The following PPARGC1A variants were observed in gnomAD, a reference collection of about 807,000 sequenced individuals.
The protein encoded by PPARGC1A is peroxisome proliferator-activated receptor gamma coactivator 1-alpha.
PPARGC1A carries 25 observed loss-of-function variants against 88.7 expected under a neutral mutation model. The ratio of observed to expected loss-of-function variants is 0.28; its 90% CI spans 0.21 to 0.39. PPARGC1A has a LOEUF of 0.39. PPARGC1A is among the 10% of genes least tolerant of loss of function. PPARGC1A has a pLI of 1.00. For missense variants in PPARGC1A, 880 were observed against 968.7 expected, an observed-to-expected ratio of 0.91 and a Z score of 1.22; for synonymous variants, 363 against 355.6, an observed-to-expected ratio of 1.02 and a Z score of -0.24.
chr4:23,996,382 A>C, the PPARGC1A span, among the ~76,000 whole-genome samples: 1 of 152,146 alleles, frequency 6.6e-6, no homozygotes, highest in Non-Finnish European at 1.5e-5. Context: ...CCCCCTATCC[A>C]TTCGTCTTAC....
the PPARGC1A span, among the ~76,000 whole-genome samples, chr4:23,988,917 T>C: frequency 2.0e-5 from 3 of 147,476 alleles, no homozygotes; most frequent in African/African-American, 4.9e-5. Flanking sequence ...TATTATTATA[T>C]AATATATACT....
intron 7 of PPARGC1A, among the ~76,000 whole-genome samples, chr4:23,814,910 C>T (rs928063792): frequency 2.6e-5 from 4 of 152,066 alleles, no homozygotes; most frequent in Non-Finnish European, 4.4e-5. Context: ...CACCCCTGGC[C>T]TGCACGGAAC....
the PPARGC1A span, among the ~76,000 whole-genome samples, chr4:23,982,032 A>G: frequency 6.6e-6 from 1 of 152,158 alleles, no homozygotes; most frequent in Non-Finnish European, 1.5e-5. Context: ...ACTCACACAC[A>G]TCAAGAAAAT....
the PPARGC1A span, among the ~76,000 whole-genome samples, chr4:24,268,884 C>T: frequency 6.6e-6 from 1 of 152,194 alleles, no homozygotes; most frequent in African/African-American, 2.4e-5. Flanking sequence ...GGAGTTCCTA[C>T]TATATCGAGT....
At chr4:23,972,004 C>T in the PPARGC1A span, among the ~76,000 whole-genome samples, 1 of 152,132 alleles carries the variant, frequency 6.6e-6, no homozygotes, top group Non-Finnish European at 1.5e-5. Flanking sequence ...CCGTCAGGAC[C>T]ATCCTCTGTA....
chr4:24,129,517 A>G, the PPARGC1A span, among the ~76,000 whole-genome samples: 2 of 152,332 alleles, frequency 1.3e-5, no homozygotes, highest in Admixed American at 1.3e-4. Context: ...CATTGGAAAG[A>G]ATACTAGTTT....
At chr4:24,414,328 G>A in the PPARGC1A span, among the ~76,000 whole-genome samples, 1 of 152,164 alleles carries the variant, frequency 6.6e-6, no homozygotes, top group South Asian at 2.1e-4. Flanking sequence ...GGAATAGTGG[G>A]TGCCTAACCA....
the PPARGC1A span, among the ~76,000 whole-genome samples, chr4:24,063,210 G>A: frequency 6.6e-6 from 1 of 152,142 alleles, no homozygotes; most frequent in Non-Finnish European, 1.5e-5. Flanking sequence ...CCACAGTTCT[G>A]AGCTGGCAGA....
chr4:24,451,258 A>C, the PPARGC1A span, among the ~76,000 whole-genome samples: 2 of 152,250 alleles, frequency 1.3e-5, no homozygotes, highest in South Asian at 4.1e-4. Context: ...CCATCAAATA[A>C]GAATTTTAAC....
chr4:23,842,334 C>T (rs1211780465), intron 2 of PPARGC1A, among the ~76,000 whole-genome samples: 1 of 152,050 alleles, frequency 6.6e-6, no homozygotes, highest in Non-Finnish European at 1.5e-5. Context: ...ATGTTCTTCC[C>T]TCTTTACATC....
At chr4:24,328,547 T>C in the PPARGC1A span, among the ~76,000 whole-genome samples, 4 of 152,178 alleles carry the variant, frequency 2.6e-5, no homozygotes, top group Non-Finnish European at 4.4e-5. Flanking sequence ...ATATTTGAAG[T>C]ATTTAATCAC....
At chr4:23,859,432 A>C (rs1318833131) in intron 2 of PPARGC1A, among the ~76,000 whole-genome samples, 1 of 152,222 alleles carries the variant, frequency 6.6e-6, no homozygotes, top group Non-Finnish European at 1.5e-5. Context: ...AGATGTATTC[A>C]AAGAAGAGGG....
At chr4:24,133,566 A>G in the PPARGC1A span, among the ~76,000 whole-genome samples, 34 of 152,336 alleles carry the variant, frequency 2.2e-4, 2 homozygotes, top group African/African-American at 6.5e-4. Flanking sequence ...TATGATTGGC[A>G]TAATTCGGGG....
At chr4:24,133,241 G>C in the PPARGC1A span, among the ~76,000 whole-genome samples, 4 of 152,144 alleles carry the variant, frequency 2.6e-5, no homozygotes, top group African/African-American at 9.7e-5. Context: ...TCTGATTAAA[G>C]TGCCTCCATC....
At chr4:23,857,373 GACACACA>G (rs1730378060) in intron 2 of PPARGC1A, among the ~76,000 whole-genome samples, 1 of 104,452 alleles carries the variant, frequency 9.6e-6, no homozygotes, top group Non-Finnish European at 2.0e-5. Context: ...GTGTGTGTGT[GACACACA>G]CACACACGCA....
At chr4:23,997,918 G>T in the PPARGC1A span, among the ~76,000 whole-genome samples, 1 of 152,110 alleles carries the variant, frequency 6.6e-6, no homozygotes, top group Non-Finnish European at 1.5e-5. Flanking sequence ...ATTTAAAAGG[G>T]ACATTTCTCT....
At chr4:23,820,005 GT>G (rs1173609835) in intron 7 of PPARGC1A, among the ~76,000 whole-genome samples, 1 of 152,094 alleles carries the variant, frequency 6.6e-6, no homozygotes, top group African/African-American at 2.4e-5. Context: ...TATTTATGCT[GT>G]TTGTCAGTAC....
chr4:24,472,135 G>A, the PPARGC1A span, among the ~76,000 whole-genome samples: 8 of 152,334 alleles, frequency 5.3e-5, no homozygotes, highest in Non-Finnish European at 1.2e-4. The surrounding 1 kb of genome is among the most constrained non-coding windows in gnomAD (Gnocchi z 4.5). Flanking sequence ...GGTGGGGGAA[G>A]GTGTCGATGG....
chr4:23,928,187 A>G, the PPARGC1A span, among the ~76,000 whole-genome samples: 8 of 152,248 alleles, frequency 5.3e-5, no homozygotes, highest in East Asian at 1.4e-3. Flanking sequence ...GTTCAAGGTT[A>G]TTGTTCTTGG....
Sources: allele counts gnomAD v4.1 joint callset (sites outside exome capture counted in the v4.1 genomes callset), GRCh38; gene constraint gnomAD v4.1.1; non-coding constraint Gnocchi (gnomAD v3.1); transcripts MANE v1.5; gene names NCBI Gene and HGNC (gene_info 2026-07-23, HGNC 2026-07-21).